The following CDHR3 variants were observed in gnomAD, a reference collection of about 807,000 sequenced individuals.
CDHR3 encodes the protein cadherin-related family member 3.
Under a neutral mutation model 86.6 loss-of-function variants are expected in CDHR3, and 79 were observed. The ratio of observed to expected loss-of-function variants is 0.91; its 90% CI spans 0.76 to 1.10. CDHR3 has a LOEUF of 1.10. Among genes scored for constraint, CDHR3 ranks in the 50% least tolerant of loss-of-function variants. CDHR3 has a pLI of 0.00. For missense variants in CDHR3, 1,081 were observed against 1,077.6 expected (o/e 1.00, Z -0.04); for synonymous variants, 421 against 402.4 (o/e 1.05, Z -0.55).
chr7:106,018,984 G>T (rs761224409), intron 12 of CDHR3, among the ~76,000 whole-genome samples: 9 of 152,096 alleles, frequency 5.9e-5, no homozygotes, highest in Admixed American at 3.9e-4. Context: ...GGACCTAATA[G>T]GTCCATGTTG....
Position 105,984,260 on chromosome 7 carries a change from G to T in CDHR3, c.484G>T (p.Glu162Ter), listed in dbSNP as rs910609416. 1.2e-6 allele frequency: 2 copies of T among 1,610,354 alleles called. No homozygotes were observed. The highest frequency in any genetic ancestry group is 4.5e-5 in the East Asian group (2 of 44,796). ...TTACCAGGTTGAGGCCTTCGATCCAGAAGACACAAGCCGAAACATTCCCCT... is the reference window on the plus strand; with the variant it reads ...TTACCAGGTTGAGGCCTTCGATCCATAAGACACAAGCCGAAACATTCCCCT... The part of the protein sequence containing the change: ...FIYQVEAFDP[E>*]DTSRNIPLSY... The change falls in exon 4 of 19, where the codon GAA becomes TAA. Residue 162 changes from glutamate (E) to a stop codon, truncating the protein, a stop_gained. Coordinates refer to ENST00000317716, the MANE Select transcript of CDHR3 (RefSeq NM_152750.5). LOFTEE classifies it high-confidence loss of function.
Position 106,032,666 on chromosome 7 carries a change from G to C in CDHR3, c.2627G>C (p.Arg876Thr). The C allele has an allele frequency of 6.2e-7, 1 of 1,613,358 alleles. No homozygotes were observed. The highest frequency in any genetic ancestry group is 8.5e-7 in the Non-Finnish European group (1 of 1,179,600). ...AACAGAAATCCAGCCTTCATGAACAGGGCTTACCCCAAACCACACCCAGGA... is the reference window on the plus strand; with the variant it reads ...AACAGAAATCCAGCCTTCATGAACACGGCTTACCCCAAACCACACCCAGGA... ...PKNRNPAFMN[R>T]AYPKPHPGK is the part of the protein sequence containing the mutation. Residue 876 changes from arginine (R) to threonine (T), a missense_variant, in exon 19 of 19, where the codon AGG becomes ACG. Transcript: ENST00000317716.
In CDHR3 at chr7:106,028,549, A is replaced by G. The variant is rs1837728050; in HGVS notation, c.2273-2A>G. 1 of 1,613,986 alleles carries G rather than the reference A, an allele frequency of 6.2e-7. No individual in the cohort carries two copies. ...AACTTCTGCCTGTTCTGTTCTCTGCAGAAACGAAGACTGCAGAGAGAGACG... is the reference window on the plus strand; with the variant it reads ...AACTTCTGCCTGTTCTGTTCTCTGCGGAAACGAAGACTGCAGAGAGAGACG... On this transcript the variant is annotated splice_acceptor_variant, in intron 16 of 18. Coordinates refer to ENST00000317716, the MANE Select transcript of CDHR3 (RefSeq NM_152750.5). LOFTEE classifies it high-confidence loss of function.
At chr7:105,966,412 A>G (rs1316250465) in intron 1 of CDHR3, among the ~76,000 whole-genome samples, 1 of 152,222 alleles carries the variant, frequency 6.6e-6, no homozygotes, top group Non-Finnish European at 1.5e-5. Flanking sequence ...GCAAGAGGCA[A>G]TCACAGCTTT....
At chr7:106,012,325 A>G (rs1205405360) in intron 8 of CDHR3, among the ~76,000 whole-genome samples, 1 of 152,264 alleles carries the variant, frequency 6.6e-6, no homozygotes, top group African/African-American at 2.4e-5. Context: ...GCCATTCTAG[A>G]TAGGGTAGCC....
intron 8 of CDHR3, among the ~76,000 whole-genome samples, chr7:106,007,135 G>A (rs912623508): frequency 6.6e-6 from 1 of 152,206 alleles, no homozygotes; most frequent in South Asian, 2.1e-4. Context: ...TAGAGCGGCT[G>A]GGATGCAGGG....
intron 8 of CDHR3, among the ~76,000 whole-genome samples, chr7:106,009,939 C>A (rs1048573810): frequency 1.3e-5 from 2 of 152,196 alleles, no homozygotes; most frequent in Non-Finnish European, 2.9e-5. Flanking sequence ...GGAGCGAGGG[C>A]AGCTCGCTTT....
intron 4 of CDHR3, among the ~76,000 whole-genome samples, chr7:105,988,674 G>A (rs1014082665): frequency 1.3e-5 from 2 of 152,216 alleles, no homozygotes; most frequent in African/African-American, 4.8e-5. Context: ...AACTTAAAAA[G>A]CATGTGCTGG....
At position 105,989,245 on chromosome 7, in the gene CDHR3, G is replaced by A. The variant is rs189612849; in HGVS notation, c.513+4956G>A. Among the ~76,000 whole-genome samples the A allele has an allele frequency of 3.2e-4, 46 of 142,326 alleles. 1 individual carries two copies. The highest frequency in any genetic ancestry group is 1.2e-3 in the African/African-American group (45 of 38,000). The allele number at this position is 142,326 out of a possible 152,430, so 93.4% of individuals were successfully genotyped here. ...CCCCACCTCTTCTCCACTTTCTGAAGGAGGCTCTTTGAGACCACCCTCCTC... is the reference window on the plus strand; with the variant it reads ...CCCCACCTCTTCTCCACTTTCTGAAAGAGGCTCTTTGAGACCACCCTCCTC... On this transcript the variant is annotated intron_variant, in intron 4 of 18. Coordinates refer to ENST00000317716, the MANE Select transcript of CDHR3 (RefSeq NM_152750.5).
chr7:106,034,425 T>G lies in CDHR3; in HGVS notation c.*1728T>G, dbSNP rs1409417862. Among the ~76,000 whole-genome samples the G allele has an allele frequency of 2.0e-5, 3 of 148,386 alleles. No individual in the cohort carries two copies. The highest frequency in any genetic ancestry group is 6.7e-5 in the Admixed American group (1 of 14,870). On this transcript the variant is annotated 3_prime_UTR_variant, in exon 19 of 19. Coordinates refer to ENST00000317716, the MANE Select transcript of CDHR3 (RefSeq NM_152750.5). ...TGGGAGACAGACTGGATCCAGCAAA[T>G]GTAGAGCTTCAGAGAGAGCAGCAGC...
At position 105,976,615 on chromosome 7, in the gene CDHR3, C is replaced by T. The variant is rs546405196; in HGVS notation, c.249+1569C>T. ...CCCATTAGCAGTCACTCAGCTATTC[C>T]CTTATCCCTCCAATCCCTGGCAACC... is the stretch of plus-strand genomic sequence containing the variant. On this transcript the variant is annotated intron_variant, in intron 2 of 18. Transcript: ENST00000317716. 2.2e-4 allele frequency among the ~76,000 whole-genome samples: 33 copies of T among 152,240 alleles called. No individual in the cohort carries two copies. The South Asian group carries it at 5.6e-3, about 26-fold the overall frequency.
intron 2 of CDHR3, among the ~76,000 whole-genome samples, chr7:105,979,654 A>G (rs966519237): frequency 3.3e-5 from 5 of 152,202 alleles, no homozygotes; most frequent in African/African-American, 1.2e-4. Context: ...TGGAAACAAA[A>G]TCAAGGAAAG....
chr7:106,019,086 A>G, intron 12 of CDHR3, among the ~76,000 whole-genome samples: 1 of 152,214 alleles, frequency 6.6e-6, no homozygotes, highest in Non-Finnish European at 1.5e-5. Flanking sequence ...AAAAGCGTGA[A>G]GGCAAAATGA....
chr7:106,012,486 T>C (rs1031583805), intron 8 of CDHR3, among the ~76,000 whole-genome samples: 2 of 151,434 alleles, frequency 1.3e-5, no homozygotes, highest in African/African-American at 2.4e-5. Context: ...AAGGCCAGAG[T>C]GGCAGGAGGA....
intron 18 of CDHR3, among the ~76,000 whole-genome samples, chr7:106,031,568 G>A (rs1341334738): frequency 1.3e-5 from 2 of 152,202 alleles, no homozygotes; most frequent in East Asian, 3.8e-4. Flanking sequence ...AGAGGCTGCC[G>A]CCGCCGCTGC....
chr7:106,022,187 A>G lies in CDHR3; in HGVS notation c.1826-11A>G. On this transcript the variant is annotated splice_polypyrimidine_tract_variant and intron_variant, in intron 13 of 18. Coordinates refer to ENST00000317716, the MANE Select transcript of CDHR3 (RefSeq NM_152750.5). ...CCTTTTACCAACACCCCTGCATCAA[A>G]TCTCATTTAGGTAACGTCAACAATC... The G allele has an allele frequency of 1.9e-6, 3 of 1,613,494 alleles. No homozygotes were observed. The highest frequency in any genetic ancestry group is 1.7e-5 in the Admixed American group (1 of 60,006).
At chr7:106,016,582 TCA>T (rs1162883117) in intron 11 of CDHR3, among the ~76,000 whole-genome samples, 1 of 152,128 alleles carries the variant, frequency 6.6e-6, no homozygotes, top group African/African-American at 2.4e-5. Flanking sequence ...TCTCGCTCTC[TCA>T]GTTTGAAGGT....
chr7:106,034,354 C>T lies in CDHR3; in HGVS notation c.*1657C>T, dbSNP rs393874. On this transcript the variant is annotated 3_prime_UTR_variant, in exon 19 of 19. Coordinates refer to ENST00000317716, the MANE Select transcript of CDHR3 (RefSeq NM_152750.5). Reference sequence around the variant, plus strand: ...TGTTCATTAGGGAAGCACTCCCTTCCCAACTGGGGAGTCAGGTGAGAGCCT... The same window carrying T: ...TGTTCATTAGGGAAGCACTCCCTTCTCAACTGGGGAGTCAGGTGAGAGCCT... Among the ~76,000 whole-genome samples the T allele has an allele frequency of 0.49, 74,382 of 151,964 alleles. 18,919 individuals are homozygous for T. Among genetic ancestry groups the T allele is most frequent in the Middle Eastern group, 0.61 (180 of 294 alleles).
At chr7:105,973,023 C>T (rs1338715486) in intron 1 of CDHR3, among the ~76,000 whole-genome samples, 1 of 152,164 alleles carries the variant, frequency 6.6e-6, no homozygotes, top group African/African-American at 2.4e-5. Flanking sequence ...TTGTTTGTTC[C>T]TAGAACATTT....
Sources: gnomAD v4.1 joint callset for allele counts (sites outside exome capture counted in the v4.1 genomes callset) on GRCh38, gnomAD v4.1.1 for gene constraint, MANE v1.5 for transcripts, NCBI Gene and HGNC (gene_info 2026-07-23, HGNC 2026-07-21) for gene names.